Variants in SDK2 observed in about 807,000 individuals in gnomAD.
SDK2 encodes sidekick cell adhesion molecule 2.
Under a neutral mutation model 253.9 loss-of-function variants are expected in SDK2, and 105 were observed. The observed-to-expected ratio is 0.41, with a 90% CI of 0.35 to 0.49. The LOEUF (loss-of-function observed/expected upper bound fraction) is 0.49, where lower values mean the gene tolerates loss of function less well. Among genes scored for constraint, SDK2 ranks in the 20% least tolerant of loss-of-function variants. SDK2 has a pLI of 0.06. For synonymous variants in SDK2, 1,249 were observed against 1,234.9 expected (o/e 1.01, Z -0.24); for missense variants, 2,608 against 3,003.0 (o/e 0.87, Z 3.07).
intron 44 of SDK2, among the ~76,000 whole-genome samples, chr17:73,339,197 G>C (rs1022739912): frequency 1.3e-5 from 2 of 150,164 alleles, no homozygotes; most frequent in Non-Finnish European, 3.0e-5. Flanking sequence ...ATACCTGATA[G>C]AATCAGAAGA....
At chr17:73,389,469 C>A (rs2145493799) in intron 29 of SDK2, among the ~76,000 whole-genome samples, 1 of 152,224 alleles carries the variant, frequency 6.6e-6, no homozygotes, top group Middle Eastern at 3.4e-3. Flanking sequence ...CAGGTGTGAG[C>A]CACCATGCCC....
At chr17:73,504,465 A>G in intron 2 of SDK2, 1 of 24,350 alleles carries the variant, frequency 4.1e-5, no homozygotes, top group Non-Finnish European at 1.3e-4. Flanking sequence ...GTTTCTACTA[A>G]AAAAAAAATA....
chr17:73,605,719 A>C (rs2045898845), intron 1 of SDK2, among the ~76,000 whole-genome samples: 1 of 151,868 alleles, frequency 6.6e-6, no homozygotes. Flanking sequence ...TGGCACCGGG[A>C]TGACCTGTTT....
At chr17:73,554,919 C>A (rs1340287546) in intron 1 of SDK2, among the ~76,000 whole-genome samples, 3 of 152,242 alleles carry the variant, frequency 2.0e-5, no homozygotes, top group Admixed American at 2.0e-4. Flanking sequence ...TGAGTTTCCT[C>A]CTGCCAAGAC....
At chr17:73,518,059 C>A (rs2064043918) in intron 1 of SDK2, 1 of 152,230 alleles carries the variant, frequency 6.6e-6, no homozygotes, top group African/African-American at 2.4e-5. Flanking sequence ...TCTTCCTAGC[C>A]CCAGAGCCTG....
chr17:73,643,957 T>TCCCCCCCCCCCA lies in SDK2; in HGVS notation c.64+67_64+68insTGGGGGGGGGGG. 9.8e-7 allele frequency: 1 copy of TCCCCCCCCCCCA among 1,020,000 alleles called. No individual in the cohort carries two copies. Among genetic ancestry groups the TCCCCCCCCCCCA allele is most frequent in the Non-Finnish European group, 1.5e-6 (1 of 674,884 alleles). The allele number at this position is 1,020,000 out of a possible 1,614,324, so 63.2% of individuals were successfully genotyped here. A position where few individuals can be genotyped will look rare whatever the true frequency, so the allele number is the denominator to read the frequency against. On this transcript the variant is annotated intron_variant, in intron 1 of 44. Transcript: ENST00000392650. The surrounding 1 kb of genome is among the most constrained non-coding windows in gnomAD (Gnocchi z 6.9). Reference sequence around the variant, plus strand: ...GGAGGTCACCGTGAGGCCGGCCAGCTCCCGCCGCCCCTCCCCCGCCCACTC... The same window carrying TCCCCCCCCCCCA: ...GGAGGTCACCGTGAGGCCGGCCAGCTCCCCCCCCCCCACCCGCCGCCCCTCCCCCGCCCACTC...
At chr17:73,397,869 C>CG (rs966115704) in intron 24 of SDK2, among the ~76,000 whole-genome samples, 166 bp downstream of exon 24, 5 of 152,040 alleles carry the variant, frequency 3.3e-5, no homozygotes, top group African/African-American at 7.2e-5. Context: ...CATCGGCGGG[C>CG]GGGGGGGCAT....
At chr17:73,372,554 G>A (rs548054966) in intron 36 of SDK2, among the ~76,000 whole-genome samples, 48 of 152,044 alleles carry the variant, frequency 3.2e-4, no homozygotes, top group African/African-American at 1.1e-3. Context: ...TCTTTTTTCA[G>A]CTTTATTGAG....
intron 3 of SDK2, among the ~76,000 whole-genome samples, chr17:73,466,292 G>A (rs1345272479): frequency 2.0e-5 from 3 of 152,174 alleles, no homozygotes; most frequent in African/African-American, 7.2e-5. Context: ...CTCCCTGAGT[G>A]CCGTCCAGTC....
At chr17:73,615,589 C>T (rs891116345) in intron 1 of SDK2, among the ~76,000 whole-genome samples, 1 of 152,186 alleles carries the variant, frequency 6.6e-6, no homozygotes, top group African/African-American at 2.4e-5. Flanking sequence ...CATCCCCAGT[C>T]CTGTTCCTGT....
In SDK2 at chr17:73,419,722, A is replaced by C. The variant is rs1289946596; in HGVS notation, c.2046-416T>G. On this transcript the variant is annotated intron_variant, in intron 15 of 44. Transcript: ENST00000392650. ...CTGTCTCTACCAAAAAAAACAACAA[A>C]AAAAACCCAAAAAAACTCCCTCCTG... is the stretch of plus-strand genomic sequence containing the variant. 1.6e-3 allele frequency among the ~76,000 whole-genome samples: 120 copies of C among 74,102 alleles called. 4 individuals are homozygous for C. Among genetic ancestry groups the C allele is most frequent in the Non-Finnish European group, 2.4e-3 (67 of 28,416 alleles). The allele number at this position is 74,102 out of a possible 152,430, so 48.6% of individuals were successfully genotyped here.
At chr17:73,456,320 C>T (rs1350320070) in intron 3 of SDK2, among the ~76,000 whole-genome samples, 1 of 152,198 alleles carries the variant, frequency 6.6e-6, no homozygotes, top group Non-Finnish European at 1.5e-5. Context: ...TCATTTCACA[C>T]ATTTTACAAT....
rs752122954 is a variant in SDK2 at position 73,352,635 on chromosome 17, C to T, written c.5596G>A (p.Glu1866Lys). 5.6e-6 allele frequency: 9 copies of T among 1,613,776 alleles called. No homozygotes were observed. The highest frequency in any genetic ancestry group is 2.2e-5 in the East Asian group (1 of 44,886). The stretch of plus-strand genomic sequence containing the variant: ...TTGATGAGGATGTCCCATAGTCCCT[C>T]GTCTGCAGGAGCACAGAGATGGAGG... Reference protein sequence around the residue: ...RYVIEARPSDEGLWDILIKDI... With the variant: ...RYVIEARPSDKGLWDILIKDI... The change falls in exon 41 of 45, where the codon GAG becomes AAG. Residue 1866 changes from glutamate (E) to lysine (K), a missense_variant and splice_region_variant. Around this residue, in one of 2 missense-constraint regions of SDK2, gnomAD observed 1,103 missense variants for 1,143.9 expected, o/e 0.96. Coordinates refer to ENST00000392650, the MANE Select transcript of SDK2 (RefSeq NM_001144952.2). The surrounding 1 kb of genome is among the most constrained non-coding windows in gnomAD (Gnocchi z 4.1).
chr17:73,559,535 T>C (rs4789148), intron 1 of SDK2, among the ~76,000 whole-genome samples: 81,314 of 150,826 alleles, frequency 0.54, 22,718 homozygotes, highest in African/African-American at 0.7. Context: ...GAGCAGTAAG[T>C]CTTGAGCAGG....
At chr17:73,635,987 G>A (rs1225692490) in intron 1 of SDK2, among the ~76,000 whole-genome samples, 4 of 152,266 alleles carry the variant, frequency 2.6e-5, no homozygotes, top group East Asian at 3.9e-4. Context: ...AGAGGAGGAG[G>A]AGGAGTTCCA....
intron 1 of SDK2, among the ~76,000 whole-genome samples, chr17:73,535,250 C>T (rs2044754964): frequency 6.6e-6 from 1 of 152,222 alleles, no homozygotes; most frequent in Admixed American, 6.5e-5. Flanking sequence ...GAGTCACAGC[C>T]ACTCAGGTTG....
intron 2 of SDK2, among the ~76,000 whole-genome samples, chr17:73,491,383 T>TG (rs970584359): frequency 6.6e-6 from 1 of 150,792 alleles, no homozygotes; most frequent in African/African-American, 2.4e-5. Flanking sequence ...GCTTTTTTTT[T>TG]TTTTTTTGAG....
chr17:73,609,209 G>C lies in SDK2; in HGVS notation c.64+34816C>G, dbSNP rs566206334. ...ATGCAGTGTTGGAGAGATAAGCCTG[G>C]AGTGTGAGAGATGGGTCTGGGCTGG... On this transcript the variant is annotated intron_variant, in intron 1 of 44. Coordinates refer to ENST00000392650, the MANE Select transcript of SDK2 (RefSeq NM_001144952.2). This position sits in a 1 kb window ranked among gnomAD's most constrained non-coding sequence, Gnocchi z 4.4. Among the ~76,000 whole-genome samples the C allele has an allele frequency of 9.9e-5, 15 of 152,234 alleles. No homozygotes were observed. The South Asian group carries it at 3.1e-3, about 32-fold the overall frequency.
chr17:73,452,218 T>G (rs915847516), intron 4 of SDK2, among the ~76,000 whole-genome samples: 1 of 152,236 alleles, frequency 6.6e-6, no homozygotes, highest in South Asian at 2.1e-4. Flanking sequence ...TGCTAATCTC[T>G]GCTCTTGCCC....
Sources: gnomAD v4.1 joint callset for allele counts (sites outside exome capture counted in the v4.1 genomes callset) on GRCh38, gnomAD v4.1.1 for gene constraint, gnomAD v4.1.1 regional missense constraint, Gnocchi (gnomAD v3.1) non-coding constraint, MANE v1.5 for transcripts, NCBI Gene and HGNC (gene_info 2026-07-23, HGNC 2026-07-21) for gene names.